CARMIL1: variants seen among roughly 807,000 people sequenced by gnomAD.
CARMIL1 encodes F-actin-uncapping protein LRRC16A.
CARMIL1 carries 90 observed loss-of-function variants against 177.1 expected under a neutral mutation model. That is an observed-to-expected ratio of 0.51 (90% confidence interval 0.43 to 0.61). The LOEUF (loss-of-function observed/expected upper bound fraction) is 0.61, where lower values mean the gene tolerates loss of function less well. Among genes scored for constraint, CARMIL1 ranks in the 20% least tolerant of loss-of-function variants. The pLI, the probability that CARMIL1 is intolerant of heterozygous loss-of-function variation, is 0.00. For missense variants in CARMIL1, 1,380 were observed against 1,667.0 expected (o/e 0.83, Z 3.00); for synonymous variants, 577 against 606.2 (o/e 0.95, Z 0.71).
chr6:25,413,248 T>C (rs927662205), intron 2 of CARMIL1, among the ~76,000 whole-genome samples: 1 of 152,226 alleles, frequency 6.6e-6, no homozygotes, highest in Non-Finnish European at 1.5e-5. Context: ...ATGGCATTCA[T>C]CATTTAGTTT....
At chr6:25,540,599 CAAA>C (rs1808805588) in intron 26 of CARMIL1, among the ~76,000 whole-genome samples, 1 of 152,026 alleles carries the variant, frequency 6.6e-6, no homozygotes, top group South Asian at 2.1e-4. Flanking sequence ...AGAAAAGAAA[CAAA>C]AAGTTATTGA....
At position 25,556,708 on chromosome 6, in the gene CARMIL1, A is replaced by G. The variant is rs1810632567; in HGVS notation, c.2600A>G (p.His867Arg). 2 of 1,612,792 alleles carry G rather than the reference A, an allele frequency of 1.2e-6. No homozygotes were observed. The highest frequency in any genetic ancestry group is 1.7e-6 in the Non-Finnish European group (2 of 1,179,446). Residue 867 changes from histidine to arginine, a missense_variant, in exon 29 of 37, where the codon CAT becomes CGT. Physicochemically the swap from His to Arg is conservative, Grantham distance 29. Transcript: ENST00000329474. ...LSHCHHKLAD[H>R]FSRRGKTLPQ... ...CACGTCTTGACCTTCTAGGCTGACCATTTCAGCAGACGTGGCAAGACCCTT... is the reference window on the plus strand; with the variant it reads ...CACGTCTTGACCTTCTAGGCTGACCGTTTCAGCAGACGTGGCAAGACCCTT...
intron 2 of CARMIL1, among the ~76,000 whole-genome samples, chr6:25,346,621 A>G (rs1787542867): frequency 6.6e-6 from 1 of 152,192 alleles, no homozygotes; most frequent in African/African-American, 2.4e-5. Flanking sequence ...TGTAAGTTCC[A>G]CAAGGCCAGG....
At chr6:25,458,009 G>A (rs935419890) in intron 8 of CARMIL1, among the ~76,000 whole-genome samples, 1 of 152,124 alleles carries the variant, frequency 6.6e-6, no homozygotes, top group African/African-American at 2.4e-5. Flanking sequence ...CAGAGAGATG[G>A]CAGGCAGGGG....
chr6:25,421,571 A>C (rs1795857157), intron 3 of CARMIL1, among the ~76,000 whole-genome samples: 1 of 152,082 alleles, frequency 6.6e-6, no homozygotes, highest in Non-Finnish European at 1.5e-5. Context: ...AGACAAATGC[A>C]CACGTATGTT....
intron 1 of CARMIL1, among the ~76,000 whole-genome samples, chr6:25,283,922 TGGC>T (rs1215864043): frequency 6.6e-6 from 1 of 152,162 alleles, no homozygotes; most frequent in Non-Finnish European, 1.5e-5. Flanking sequence ...TTATCCATGT[TGGC>T]CAGGCTGGTC....
chr6:25,586,620 T>G (rs1302279684), intron 31 of CARMIL1, among the ~76,000 whole-genome samples: 2 of 151,300 alleles, frequency 1.3e-5, no homozygotes, highest in African/African-American at 4.9e-5. Flanking sequence ...GAGGTGGAGG[T>G]TGTAGCGAGC....
chr6:25,529,914 A>C (rs1807580160), intron 24 of CARMIL1, among the ~76,000 whole-genome samples: 1 of 152,162 alleles, frequency 6.6e-6, no homozygotes, highest in Non-Finnish European at 1.5e-5. Context: ...TGGAAGAAAA[A>C]GTAGAGCAAA....
chr6:25,558,063 A>G lies in CARMIL1; in HGVS notation c.2742+1213A>G, dbSNP rs564717370. Among the ~76,000 whole-genome samples the G allele has an allele frequency of 1.3e-5, 2 of 152,312 alleles. No individual in the cohort carries two copies. Among genetic ancestry groups the G allele is most frequent in the South Asian group, 2.1e-4 (1 of 4,828 alleles). ...CAAGTTTTTAAAAACTTGGTTGTCC[A>G]TCTTATTATAACATTTATATTTCAT... On this transcript the variant is annotated intron_variant, in intron 29 of 36. Coordinates refer to ENST00000329474, the MANE Select transcript of CARMIL1 (RefSeq NM_017640.6). This position sits in a 1 kb window ranked among gnomAD's most constrained non-coding sequence, Gnocchi z 4.1.
chr6:25,502,548 T>C (rs757334508), intron 17 of CARMIL1, among the ~76,000 whole-genome samples: 2 of 68,372 alleles, frequency 2.9e-5, no homozygotes, highest in Non-Finnish European at 6.6e-5. Context: ...CTAGACTCTA[T>C]CTCAAAAAAA....
At chr6:25,406,002 C>G (rs1794336240) in intron 2 of CARMIL1, among the ~76,000 whole-genome samples, 2 of 152,210 alleles carry the variant, frequency 1.3e-5, no homozygotes, top group South Asian at 4.1e-4. Flanking sequence ...GATATTTGAA[C>G]ACCTATTTTG....
At position 25,302,804 on chromosome 6, in the gene CARMIL1, G is replaced by A. The variant is rs116087452; in HGVS notation, c.138+17895G>A. Among the ~76,000 whole-genome samples the A allele has an allele frequency of 4.3e-3, 657 of 152,310 alleles. 7 individuals carry two copies. Among genetic ancestry groups the A allele is most frequent in the African/African-American group, 0.014 (597 of 41,552 alleles). ...AACTCTACTTTGGTCAGGATGATTA[G>A]TGCAGTCTGGAGAGCCATTAAGTGC... is the stretch of plus-strand genomic sequence containing the variant. On this transcript the variant is annotated intron_variant, in intron 2 of 36. Coordinates refer to ENST00000329474, the MANE Select transcript of CARMIL1 (RefSeq NM_017640.6).
rs533768470 is a variant in CARMIL1, at chr6:25,577,723, CAT to C, written c.2743-3198_2743-3197del. Among the ~76,000 whole-genome samples, 20 of 151,730 alleles carry C rather than the reference CAT, an allele frequency of 1.3e-4. No homozygotes were observed. The highest frequency in any genetic ancestry group is 2.1e-4 in the South Asian group (1 of 4,802). On this transcript the variant is annotated intron_variant, in intron 29 of 36. Coordinates refer to ENST00000329474, the MANE Select transcript of CARMIL1 (RefSeq NM_017640.6). The surrounding 1 kb of genome is among the most constrained non-coding windows in gnomAD (Gnocchi z 4.5). ...GTCTTTAACTTGTAGTAAAAGTAGA[CAT>C]ATCTCAATTGAGCTATGTGCAGAAT...
Position 25,367,789 on chromosome 6 carries a change from C to T in CARMIL1, c.139-52325C>T, listed in dbSNP as rs137989433. Reference sequence around the variant, plus strand: ...TCTCCCCCAAACCCCGACGGAGCCTCGGTCTGTCGCCTAGGCTGGAGTGCA... The same window carrying T: ...TCTCCCCCAAACCCCGACGGAGCCTTGGTCTGTCGCCTAGGCTGGAGTGCA... On this transcript the variant is annotated intron_variant, in intron 2 of 36. Transcript: ENST00000329474. 9.8e-4 allele frequency among the ~76,000 whole-genome samples: 149 copies of T among 152,266 alleles called. 2 individuals carry two copies. The highest frequency in any genetic ancestry group is 3.1e-3 in the African/African-American group (129 of 41,550).
chr6:25,544,687 A>T (rs992721964), intron 26 of CARMIL1, among the ~76,000 whole-genome samples: 3 of 151,970 alleles, frequency 2.0e-5, no homozygotes, highest in Admixed American at 2.0e-4. Context: ...AAGAAAAATT[A>T]TCCAAAAAAT....
At position 25,607,658 on chromosome 6, in the gene CARMIL1, G is replaced by C. The variant is rs143344165; in HGVS notation, c.3847+1385G>C. Among the ~76,000 whole-genome samples, 286 of 152,296 alleles carry C rather than the reference G, an allele frequency of 1.9e-3. 1 individual carries two copies. The highest frequency in any genetic ancestry group is 5.9e-3 in the African/African-American group (245 of 41,548). On this transcript the variant is annotated intron_variant, in intron 35 of 36. Coordinates refer to ENST00000329474, the MANE Select transcript of CARMIL1 (RefSeq NM_017640.6). ...CCTAATAATTTATCAATGTGCAGAT[G>C]GTTTGGGTAGAATGAGCAAAAAGGT...
intron 8 of CARMIL1, among the ~76,000 whole-genome samples, chr6:25,455,293 G>A (rs904798034): frequency 7.2e-5 from 11 of 152,198 alleles, no homozygotes; most frequent in South Asian, 2.1e-4. Flanking sequence ...ATCATCCAAA[G>A]CTTTATTTTT....
chr6:25,542,389 AAAT>A (rs1809004530), intron 26 of CARMIL1, among the ~76,000 whole-genome samples: 2 of 152,208 alleles, frequency 1.3e-5, no homozygotes, highest in Admixed American at 1.3e-4. Flanking sequence ...TATTTTCTGT[AAAT>A]AGGCATTTCC....
chr6:25,403,896 A>G (rs1405286586), intron 2 of CARMIL1, among the ~76,000 whole-genome samples: 2 of 152,242 alleles, frequency 1.3e-5, no homozygotes, highest in Non-Finnish European at 2.9e-5. Context: ...TGAATGAAAT[A>G]TAAGCTGCTT....
Sources: allele counts gnomAD v4.1 joint callset (sites outside exome capture counted in the v4.1 genomes callset), GRCh38; gene constraint gnomAD v4.1.1; non-coding constraint Gnocchi (gnomAD v3.1); transcripts MANE v1.5; gene names NCBI Gene and HGNC (gene_info 2026-07-23, HGNC 2026-07-21).